Variants in RTTN observed in about 807,000 individuals in gnomAD.
RTTN encodes the protein rotatin.
A neutral mutation model predicts 269.2 loss-of-function variants in RTTN; 182 were observed. The ratio of observed to expected loss-of-function variants is 0.68; its 90% CI spans 0.60 to 0.76. The LOEUF (loss-of-function observed/expected upper bound fraction) is 0.76, where lower values mean the gene tolerates loss of function less well. Among genes scored for constraint, RTTN ranks in the 30% least tolerant of loss-of-function variants. RTTN has a pLI of 0.00. For missense variants in RTTN, 2,545 were observed against 2,608.6 expected, an observed-to-expected ratio of 0.98 and a Z score of 0.53; for synonymous variants, 1,006 against 963.5, an observed-to-expected ratio of 1.04 and a Z score of -0.82.
In RTTN at chr18:70,054,217, G is replaced by T; in HGVS notation, c.5099C>A (p.Pro1700His). Residue 1700 changes from proline (P) to histidine (H), a missense_variant, in exon 38 of 49, where the codon CCT (proline) becomes CAT (histidine). Pro to His is a moderately conservative substitution (Grantham distance 77). Transcript: ENST00000640769. ...RLLQSCLLVE[P>H]DLVIQDELVK... The stretch of plus-strand genomic sequence containing the variant: ...AAGCTCATCCTGAATCACAAGGTCA[G>T]GCTCCACCAATAAACATGACTGCAG... 1 of 1,613,938 alleles carries T rather than the reference G, an allele frequency of 6.2e-7. No homozygotes were observed. Among genetic ancestry groups the T allele is most frequent in the Non-Finnish European group, 8.5e-7 (1 of 1,179,922 alleles).
chr18:70,128,649 A>G, intron 23 of RTTN, 103 bp from the exon 24 acceptor site: 3 of 806,924 alleles, frequency 3.7e-6, no homozygotes. Context: ...CCCAACCCAC[A>G]ATAATGCAAA....
In RTTN at chr18:70,205,222, T is replaced by C; in HGVS notation, c.125A>G (p.Glu42Gly). 1 of 1,614,222 alleles carries C rather than the reference T, an allele frequency of 6.2e-7. No individual in the cohort carries two copies. Among genetic ancestry groups the C allele is most frequent in the Non-Finnish European group, 8.5e-7 (1 of 1,180,036 alleles). ...NLICYADLIQ[E>G]RQLFLHLLEW... ...CAGCAAATGAAGAAAAAGTTGCCTC[T>C]CCTGAATGAGATCAGCGTAGCAGAT... Residue 42 changes from glutamate to glycine, a missense_variant, in exon 2 of 49, where the codon GAG (glutamate) becomes GGG (glycine). Transcript: ENST00000640769.
intron 14 of RTTN, among the ~76,000 whole-genome samples, chr18:70,160,856 C>T (rs1180740199): frequency 1.3e-5 from 2 of 151,970 alleles, no homozygotes; most frequent in Non-Finnish European, 2.9e-5. Context: ...AGAGATGACA[C>T]AAATGGAAAA....
At chr18:70,179,275 A>G (rs1380653744) in intron 10 of RTTN, among the ~76,000 whole-genome samples, 1 of 152,224 alleles carries the variant, frequency 6.6e-6, no homozygotes. Context: ...TAATTCCTCC[A>G]TACAGTATTT....
At chr18:70,122,295 T>A (rs895699888) in intron 25 of RTTN, among the ~76,000 whole-genome samples, 3 of 151,878 alleles carry the variant, frequency 2.0e-5, no homozygotes, top group African/African-American at 7.3e-5. Context: ...AAAAGATTAG[T>A]AGACAATAAA....
intron 18 of RTTN, 103 bp from the exon 19 acceptor site, chr18:70,142,490 C>G: frequency 4.5e-6 from 3 of 671,208 alleles, no homozygotes; most frequent in Non-Finnish European, 7.7e-6. Context: ...CTCAAAAAGT[C>G]AACTTATTTA....
Position 70,057,835 on chromosome 18 carries a change from GT to G in RTTN, c.4941-4del. ...GTATGAGGGTAGCATCTGCAATGCTGTGACGATCAGAAAAAGAAAATCCTTC... is the reference window on the plus strand; with the variant it reads ...GTATGAGGGTAGCATCTGCAATGCTGGACGATCAGAAAAAGAAAATCCTTC... On this transcript the variant is annotated splice_region_variant and splice_polypyrimidine_tract_variant and intron_variant, in intron 36 of 48. Coordinates refer to ENST00000640769, the MANE Select transcript of RTTN (RefSeq NM_173630.4). 1 of 1,607,090 alleles carries G rather than the reference GT, an allele frequency of 6.2e-7. No individual in the cohort carries two copies. The highest frequency in any genetic ancestry group is 8.5e-7 in the Non-Finnish European group (1 of 1,174,528).
At chr18:70,098,421 G>GT (rs1463438982) in intron 28 of RTTN, among the ~76,000 whole-genome samples, 4 of 152,046 alleles carry the variant, frequency 2.6e-5, no homozygotes, top group African/African-American at 9.7e-5. Flanking sequence ...TCCAGGAGTT[G>GT]TTTTTTTGAA....
At chr18:70,173,387 G>A (rs2061195637) in intron 11 of RTTN, among the ~76,000 whole-genome samples, 1 of 151,754 alleles carries the variant, frequency 6.6e-6, no homozygotes, top group Non-Finnish European at 1.5e-5. Context: ...CAGCTACTCG[G>A]GAGGCTGAGG....
At chr18:70,196,935 C>A (rs1313536699) in intron 6 of RTTN, among the ~76,000 whole-genome samples, 1 of 152,128 alleles carries the variant, frequency 6.6e-6, no homozygotes, top group Non-Finnish European at 1.5e-5. Context: ...GAAATTATTC[C>A]CCACTCAGGA....
chr18:70,048,460 G>A (rs913002561), intron 39 of RTTN, among the ~76,000 whole-genome samples: 1 of 152,134 alleles, frequency 6.6e-6, no homozygotes, highest in Non-Finnish European at 1.5e-5. Flanking sequence ...AATACAGAGT[G>A]GAAAGAACAG....
rs753104987 is a variant in RTTN, at chr18:70,204,180, C to G, written c.303G>C (p.Leu101=). 6.2e-7 allele frequency: 1 copy of G among 1,614,086 alleles called. No homozygotes were observed. The highest frequency in any genetic ancestry group is 1.1e-5 in the South Asian group (1 of 91,068). Residue 101 remains leucine (L), a synonymous_variant, in exon 3 of 49, where the codon CTG becomes CTC. Transcript: ENST00000640769. ...SKLRSNVEPN[L]QAEIDGILDG... ...CCAGAATGCCATCAATTTCAGCCTG[C>G]AGATTTGGCTCCACATTAGACCGAA...
intron 40 of RTTN, among the ~76,000 whole-genome samples, chr18:70,043,626 TCTC>T (rs1485159941): frequency 6.6e-6 from 1 of 152,070 alleles, no homozygotes; most frequent in African/African-American, 2.4e-5. Context: ...AAGGCAGAAA[TCTC>T]CTACTTTTAG....
intron 14 of RTTN, among the ~76,000 whole-genome samples, chr18:70,161,552 A>G (rs148217671): frequency 0.012 from 1,883 of 152,280 alleles, 23 homozygotes; most frequent in South Asian, 0.038. Context: ...AAAAATATCA[A>G]CTAAGTAAAA....
intron 22 of RTTN, among the ~76,000 whole-genome samples, chr18:70,134,809 C>T (rs528563235): frequency 9.2e-5 from 14 of 152,246 alleles, no homozygotes; most frequent in Admixed American, 2.6e-4. Flanking sequence ...TCTCCTCCCA[C>T]GGATCCTGCT....
At chr18:70,135,375 T>C in intron 21 of RTTN, 95 bp from the exon 22 acceptor site, 1 of 734,268 alleles carries the variant, frequency 1.4e-6, no homozygotes, top group Non-Finnish European at 2.2e-6. Context: ...AGAAAAGAAA[T>C]GCAACATAAA....
rs2056282187 is a variant in RTTN at position 70,008,906 on chromosome 18, C to G, written c.6422-2422G>C. 3 of 152,096 alleles carry G rather than the reference C, an allele frequency of 2.0e-5. No individual in the cohort carries two copies. The South Asian group carries it at 6.2e-4, about 32-fold the overall frequency. 9.4% of individuals were successfully genotyped at this position (152,096 alleles called of 1,614,324 possible). A position where few individuals can be genotyped will look rare whatever the true frequency, so the allele number is the denominator to read the frequency against. On this transcript the variant is annotated intron_variant, in intron 46 of 48. Transcript: ENST00000640769. The stretch of plus-strand genomic sequence containing the variant: ...GGCCAACATTCAAATTCAGGAAATA[C>G]AGAGAACACCACAAAGATACTCCTC...
rs759881269 is a variant in RTTN, at chr18:70,109,734, G to A, written c.3684-17C>T. ...GAGCATTTCCTATGTATGCAAAAGA[G>A]GGAAAATCAACCACCAAGAAAGTAT... On this transcript the variant is annotated splice_polypyrimidine_tract_variant and intron_variant, in intron 27 of 48. Transcript: ENST00000640769. 16 of 1,606,368 alleles carry A rather than the reference G, an allele frequency of 1.0e-5. No individual in the cohort carries two copies. In the South Asian group the frequency reaches 1.2e-4, roughly 12 times the overall value.
At chr18:70,177,746 A>T (rs141517222) in intron 10 of RTTN, among the ~76,000 whole-genome samples, 1 of 152,358 alleles carries the variant, frequency 6.6e-6, no homozygotes, top group East Asian at 1.9e-4. Flanking sequence ...GGATGACTAT[A>T]CAGGGAACAA....
Sources: gnomAD v4.1 joint callset for allele counts (sites outside exome capture counted in the v4.1 genomes callset) on GRCh38, gnomAD v4.1.1 for gene constraint, MANE v1.5 for transcripts, NCBI Gene and HGNC (gene_info 2026-07-23, HGNC 2026-07-21) for gene names.